BOD1L1: variants seen among roughly 807,000 people sequenced by gnomAD.
BOD1L1 encodes the protein biorientation of chromosomes in cell division 1 like 1.
A neutral mutation model predicts 240.7 loss-of-function variants in BOD1L1; 86 were observed. The observed-to-expected ratio is 0.36, with a 90% CI of 0.30 to 0.43. The LOEUF (loss-of-function observed/expected upper bound fraction) is 0.43, where lower values mean the gene tolerates loss of function less well. Ranked by LOEUF, BOD1L1 falls within the 20% of genes least tolerant of loss-of-function variation. The pLI is 1.00. For synonymous variants in BOD1L1, 1,268 were observed against 1,272.3 expected (o/e 1.00, Z 0.07); for missense variants, 3,554 against 3,643.5 (o/e 0.98, Z 0.63).
chr4:13,609,061 C>T (rs1715952337), intron 7 of BOD1L1, among the ~76,000 whole-genome samples: 2 of 152,106 alleles, frequency 1.3e-5, no homozygotes, highest in Non-Finnish European at 2.9e-5. Flanking sequence ...GAAAAATATA[C>T]TGCTAACAAA....
In BOD1L1 at chr4:13,613,487, G is replaced by C; in HGVS notation, c.1324+25C>G. The C allele has an allele frequency of 6.3e-7, 1 of 1,598,192 alleles. No homozygotes were observed. Among genetic ancestry groups the C allele is most frequent in the African/African-American group, 1.3e-5 (1 of 74,650 alleles). ...ATAATGCTTGACAGGATGCTTCAGA[G>C]GCATTATTATGTAAAATGCTTTACC... is the stretch of plus-strand genomic sequence containing the variant. On this transcript the variant is annotated intron_variant, in intron 5 of 25. Coordinates refer to ENST00000040738, the MANE Select transcript of BOD1L1 (RefSeq NM_148894.3). This position sits in a 1 kb window ranked among gnomAD's most constrained non-coding sequence, Gnocchi z 4.0.
At position 13,614,589 on chromosome 4, in the gene BOD1L1, T is replaced by G. The variant is rs147689758; in HGVS notation, c.781A>C (p.Lys261Gln). The G allele has an allele frequency of 3.7e-6, 6 of 1,613,882 alleles. No individual in the cohort carries two copies. In the African/African-American group the frequency reaches 8.0e-5, roughly 22 times the overall value. The change falls in exon 4 of 26, where the codon AAA becomes CAA. Residue 261 changes from lysine (K) to glutamine (Q), a missense_variant. Physicochemically the swap from Lys to Gln is moderately conservative, Grantham distance 53. Coordinates refer to ENST00000040738, the MANE Select transcript of BOD1L1 (RefSeq NM_148894.3). Reference protein sequence around the residue: ...RTSEDMADKEKSTADSGGEGL... With the variant: ...RTSEDMADKEQSTADSGGEGL... Reference sequence around the variant, plus strand: ...TCACCTCCAGAGTCAGCTGTAGATTTTTCTTTATCAGCCATGTCCTCTGAA... The same window carrying G: ...TCACCTCCAGAGTCAGCTGTAGATTGTTCTTTATCAGCCATGTCCTCTGAA...
intron 5 of BOD1L1, among the ~76,000 whole-genome samples, chr4:13,612,675 T>C (rs1577370735): frequency 6.6e-6 from 1 of 152,084 alleles, no homozygotes; most frequent in Non-Finnish European, 1.5e-5. Flanking sequence ...TTCTGGGAGG[T>C]AATCTCTAAG....
At position 13,613,890 on chromosome 4, in the gene BOD1L1, C is replaced by A. The variant is rs556150326; in HGVS notation, c.1175-229G>T. 1.3e-5 allele frequency among the ~76,000 whole-genome samples: 2 copies of A among 152,000 alleles called. No individual in the cohort carries two copies. The highest frequency in any genetic ancestry group is 2.4e-5 in the African/African-American group (1 of 41,390). ...TAATAATAAAATGAATTTTAAGTAA[C>A]TGAAGTATTTACTACCTAATAAAAA... is the stretch of plus-strand genomic sequence containing the variant. On this transcript the variant is annotated intron_variant, in intron 4 of 25. Transcript: ENST00000040738. The surrounding 1 kb of genome is among the most constrained non-coding windows in gnomAD (Gnocchi z 4.0).
At chr4:13,605,666 C>T (rs1427844346) in intron 9 of BOD1L1, among the ~76,000 whole-genome samples, 4 of 151,922 alleles carry the variant, frequency 2.6e-5, no homozygotes, top group Non-Finnish European at 4.4e-5. Flanking sequence ...CCTTTTCAGT[C>T]AAAAACATAA....
chr4:13,592,978 C>T (rs1045010797), intron 12 of BOD1L1: 3 of 152,140 alleles, frequency 2.0e-5, no homozygotes, highest in East Asian at 1.9e-4. Flanking sequence ...AAATTCAAAA[C>T]GTATACAGGT....
At position 13,602,221 on chromosome 4, in the gene BOD1L1, T is replaced by A; in HGVS notation, c.4679A>T (p.Asp1560Val). 1 of 1,613,776 alleles carries A rather than the reference T, an allele frequency of 6.2e-7. No homozygotes were observed. The highest frequency in any genetic ancestry group is 8.5e-7 in the Non-Finnish European group (1 of 1,179,776). Residue 1560 changes from aspartate to valine, a missense_variant, in exon 10 of 26, where the codon GAT becomes GTT. Asp to Val is a radical substitution (Grantham distance 152). This residue lies in a region of BOD1L1 where 3,393 missense variants were observed against 3,427.1 expected (regional missense o/e 0.99). Coordinates refer to ENST00000040738, the MANE Select transcript of BOD1L1 (RefSeq NM_148894.3). ...ATGTGTTCCTATTATGAGGCCTTCA[T>A]CTGCCTCAATGCTGGTGCAAGGCAA... is the stretch of plus-strand genomic sequence containing the variant. ...VALPCTSIEA[D>V]EGLIIGTHSR...
chr4:13,618,336 A>G (rs1353088917), intron 2 of BOD1L1, among the ~76,000 whole-genome samples: 1 of 152,230 alleles, frequency 6.6e-6, no homozygotes, highest in Non-Finnish European at 1.5e-5. Flanking sequence ...CACTGAATGA[A>G]AGTAATCAGT....
chr4:13,608,695 T>C (rs1715920124), intron 7 of BOD1L1, 27 bp from the exon 8 acceptor site: 2 of 1,390,272 alleles, frequency 1.4e-6, no homozygotes, highest in Non-Finnish European at 1.9e-6. Context: ...CAATAAAACG[T>C]ATTTCAGAAA....
At chr4:13,598,490 C>T (rs924829793) in intron 10 of BOD1L1, among the ~76,000 whole-genome samples, 1 of 152,050 alleles carries the variant, frequency 6.6e-6, no homozygotes, top group African/African-American at 2.4e-5. Context: ...TAAAAGTCAC[C>T]CGAGGACCAT....
chr4:13,581,221 A>G lies in BOD1L1; in HGVS notation c.8593-14T>C, dbSNP rs1713206076. ...TGGCTGATCTTCCTAAGGGGGAAAT[A>G]AAAAACAACAACAGCAATAAGAAAA... On this transcript the variant is annotated splice_polypyrimidine_tract_variant and intron_variant, in intron 19 of 25. Coordinates refer to ENST00000040738, the MANE Select transcript of BOD1L1 (RefSeq NM_148894.3). The G allele has an allele frequency of 6.6e-7, 1 of 1,517,390 alleles. No individual in the cohort carries two copies. The highest frequency in any genetic ancestry group is 8.8e-7 in the Non-Finnish European group (1 of 1,131,240). 94.0% of individuals were successfully genotyped at this position (1,517,390 alleles called of 1,614,324 possible). A position where few individuals can be genotyped will look rare whatever the true frequency, so the allele number is the denominator to read the frequency against.
intron 21 of BOD1L1, among the ~76,000 whole-genome samples, chr4:13,580,577 C>T (rs1465193415): frequency 6.6e-6 from 1 of 152,076 alleles, no homozygotes; most frequent in African/African-American, 2.4e-5. Context: ...ACGTCAGGGT[C>T]AAAGATAAAG....
rs939261847 is a variant in BOD1L1, at chr4:13,605,672, C to T, written c.1816-588G>A. On this transcript the variant is annotated intron_variant, in intron 9 of 25. Coordinates refer to ENST00000040738, the MANE Select transcript of BOD1L1 (RefSeq NM_148894.3). ...GTCAAATGTCCTTTTCAGTCAAAAA[C>T]ATAATACATGAAGGCAATTTAAAAT... Among the ~76,000 whole-genome samples the T allele has an allele frequency of 2.0e-5, 3 of 152,038 alleles. No homozygotes were observed. The East Asian group carries it at 5.8e-4, about 29-fold the overall frequency.
intron 9 of BOD1L1, among the ~76,000 whole-genome samples, chr4:13,605,682 G>C (rs1715632409): frequency 6.6e-6 from 1 of 152,032 alleles, no homozygotes; most frequent in Non-Finnish European, 1.5e-5. Context: ...CATAATACAT[G>C]AAGGCAATTT....
Position 13,603,310 on chromosome 4 carries a change from G to A in BOD1L1, c.3590C>T (p.Ala1197Val), listed in dbSNP as rs543366380. The change falls in exon 10 of 26, where the codon GCC (alanine) becomes GTC (valine). Residue 1197 changes from alanine (A) to valine (V), a missense_variant. Transcript: ENST00000040738. ...TGVNSNSEKH[A>V]DHRSTLTKKM... ...CTTGGTCAAGGTGCTTCTATGATCG[G>A]CATGCTTTTCAGAATTACTATTAAC... The A allele has an allele frequency of 2.9e-5, 46 of 1,613,924 alleles. 1 individual carries two copies. In the South Asian group the frequency reaches 4.5e-4, roughly 16 times the overall value.
Position 13,615,314 on chromosome 4 carries a change from T to C in BOD1L1, c.557A>G (p.Gln186Arg). 6.2e-7 allele frequency: 1 copy of C among 1,606,660 alleles called. No individual in the cohort carries two copies. The highest frequency in any genetic ancestry group is 1.1e-5 in the South Asian group (1 of 90,250). Residue 186 changes from glutamine (Q) to arginine (R), a missense_variant and splice_region_variant, in exon 3 of 26, where the codon CAA becomes CGA. Gln to Arg is a conservative substitution (Grantham distance 43, BLOSUM62 1). Transcript: ENST00000040738. ...DEKPDTSLITQGVPTPGPSAN... is the reference protein window; with the variant it reads ...DEKPDTSLITRGVPTPGPSAN... ...GACCAAGAGTAAAAGCAAAGCACCTTGTGTAATAAGGGAAGTGTCTGGTTT... is the reference window on the plus strand; with the variant it reads ...GACCAAGAGTAAAAGCAAAGCACCTCGTGTAATAAGGGAAGTGTCTGGTTT...
intron 18 of BOD1L1, 83 bp downstream of exon 18, chr4:13,582,569 G>A: frequency 9.6e-7 from 1 of 1,043,516 alleles, no homozygotes; most frequent in South Asian, 1.4e-5. Context: ...AAAAGTAAAT[G>A]AGCAAAATAG....
chr4:13,603,182 T>C lies in BOD1L1; in HGVS notation c.3718A>G (p.Arg1240Gly), dbSNP rs747501757. 1.2e-6 allele frequency: 2 copies of C among 1,614,058 alleles called. No individual in the cohort carries two copies. The highest frequency in any genetic ancestry group is 1.7e-6 in the Non-Finnish European group (2 of 1,179,896). The change falls in exon 10 of 26, where the codon AGA (arginine) becomes GGA (glycine). Residue 1240 changes from arginine (R) to glycine (G), a missense_variant. Physicochemically the swap from Arg to Gly is moderately radical, Grantham distance 125. Coordinates refer to ENST00000040738, the MANE Select transcript of BOD1L1 (RefSeq NM_148894.3). ...EVNIDSETVH[R>G]MLLSAPSEND... ...TCTGATGGGGCACTCAGTAACATTC[T>C]ATGAACAGTTTCAGAATCTATATTC...
chr4:13,575,067 G>A (rs774610309), intron 25 of BOD1L1, among the ~76,000 whole-genome samples: 11 of 151,636 alleles, frequency 7.3e-5, no homozygotes, highest in South Asian at 2.1e-4. Context: ...TTACTGGCAC[G>A]TGCCACCACA....
Sources: allele counts gnomAD v4.1 joint callset (sites outside exome capture counted in the v4.1 genomes callset), GRCh38; gene constraint gnomAD v4.1.1; regional missense constraint gnomAD v4.1.1; non-coding constraint Gnocchi (gnomAD v3.1); transcripts MANE v1.5; gene names NCBI Gene and HGNC (gene_info 2026-07-23, HGNC 2026-07-21).